The following GPC5 variants were observed in gnomAD, a reference collection of about 807,000 sequenced individuals.
GPC5 encodes the protein glypican 5, also known as glypican-5.
GPC5 carries 47 observed loss-of-function variants against 53.9 expected under a neutral mutation model. The observed-to-expected ratio is 0.87, with a 90% CI of 0.69 to 1.11. The LOEUF (loss-of-function observed/expected upper bound fraction) is 1.11, where lower values mean the gene tolerates loss of function less well. GPC5 is among the 50% of genes most tolerant of loss of function. GPC5 has a pLI of 0.00. For missense variants in GPC5, 748 were observed against 713.1 expected, an observed-to-expected ratio of 1.05 and a Z score of -0.56; for synonymous variants, 286 against 263.3, an observed-to-expected ratio of 1.09 and a Z score of -0.84.
Position 92,837,103 on chromosome 13 carries a change from G to T in GPC5, c.1562-29179G>T, listed in dbSNP as rs189505090. Among the ~76,000 whole-genome samples, 3 of 152,164 alleles carry T rather than the reference G, an allele frequency of 2.0e-5. No individual in the cohort carries two copies. The East Asian group carries it at 5.8e-4, about 29-fold the overall frequency. On this transcript the variant is annotated intron_variant, in intron 7 of 7. Transcript: ENST00000377067. ...AAACCTTGCAAGCTTCCAGACTGAA[G>T]GATATAATTACTTACAGTTGTAAAA...
At chr13:92,489,130 T>C (rs919452410) in intron 7 of GPC5, among the ~76,000 whole-genome samples, 5 of 152,216 alleles carry the variant, frequency 3.3e-5, no homozygotes, top group African/African-American at 4.8e-5. Flanking sequence ...AGAGAAAGAA[T>C]GTGAAATTCA....
intron 7 of GPC5, among the ~76,000 whole-genome samples, chr13:92,166,980 AC>A (rs2042036003): frequency 6.6e-6 from 1 of 151,322 alleles, no homozygotes; most frequent in East Asian, 1.9e-4. Context: ...ACACACACAC[AC>A]ACACACACAC....
chr13:91,509,873 G>A (rs944337819), intron 2 of GPC5, among the ~76,000 whole-genome samples: 3 of 151,980 alleles, frequency 2.0e-5, no homozygotes, highest in Non-Finnish European at 4.4e-5. Flanking sequence ...GATATAAAAT[G>A]AATTAATAAT....
At chr13:91,784,679 G>A (rs2037850364) in intron 5 of GPC5, among the ~76,000 whole-genome samples, 1 of 147,928 alleles carries the variant, frequency 6.8e-6, no homozygotes, top group African/African-American at 2.6e-5. Context: ...AGCTGAGATT[G>A]CACCATTGAA....
At chr13:92,325,638 A>G (rs928324548) in intron 7 of GPC5, among the ~76,000 whole-genome samples, 1 of 152,130 alleles carries the variant, frequency 6.6e-6, no homozygotes, top group Admixed American at 6.6e-5. Context: ...AACAAACTGT[A>G]GTAGAGCCAC....
At chr13:91,463,953 G>C (rs559079389) in intron 2 of GPC5, among the ~76,000 whole-genome samples, 26 of 152,160 alleles carry the variant, frequency 1.7e-4, no homozygotes, top group Non-Finnish European at 2.9e-5. Flanking sequence ...AAGGTTAAGA[G>C]AATGAAAACA....
intron 7 of GPC5, among the ~76,000 whole-genome samples, chr13:92,168,283 G>T (rs914513644): frequency 1.3e-5 from 2 of 152,156 alleles, no homozygotes; most frequent in African/African-American, 2.4e-5. Flanking sequence ...CACTGGCAAA[G>T]ATTTCATATT....
At chr13:92,439,812 G>T (rs945150119) in intron 7 of GPC5, among the ~76,000 whole-genome samples, 3 of 152,134 alleles carry the variant, frequency 2.0e-5, no homozygotes, top group African/African-American at 7.2e-5. Context: ...CATTGTAATA[G>T]TCAGCTAGAA....
At chr13:92,282,898 A>C (rs182822305) in intron 7 of GPC5, among the ~76,000 whole-genome samples, 2 of 152,188 alleles carry the variant, frequency 1.3e-5, no homozygotes, top group African/African-American at 4.8e-5. Flanking sequence ...AACAATATTA[A>C]CCTCAAATGT....
Position 92,691,265 on chromosome 13 carries a change from A to G in GPC5, c.1562-175017A>G, listed in dbSNP as rs374857055. ...TGAGCCAGGTGTGGGATATAGTCTCATGGTGCGCCGTTTCTTAAGCCGGTC... is the reference window on the plus strand; with the variant it reads ...TGAGCCAGGTGTGGGATATAGTCTCGTGGTGCGCCGTTTCTTAAGCCGGTC... On this transcript the variant is annotated intron_variant, in intron 7 of 7. Coordinates refer to ENST00000377067, the MANE Select transcript of GPC5 (RefSeq NM_004466.6). Among the ~76,000 whole-genome samples the G allele has an allele frequency of 2.3e-4, 27 of 118,306 alleles. 1 individual carries two copies. In the East Asian group the frequency reaches 2.9e-3, roughly 13 times the overall value. The allele number at this position is 118,306 out of a possible 152,430, so 77.6% of individuals were successfully genotyped here.
At chr13:92,412,512 C>T (rs1876091933) in intron 7 of GPC5, among the ~76,000 whole-genome samples, 2 of 152,156 alleles carry the variant, frequency 1.3e-5, no homozygotes, top group South Asian at 2.1e-4. Flanking sequence ...ATTTAACATT[C>T]TTAAACCGTT....
intron 2 of GPC5, among the ~76,000 whole-genome samples, chr13:91,661,359 C>T (rs16946448): frequency 0.014 from 2,189 of 152,332 alleles, 40 homozygotes; most frequent in South Asian, 0.035. Flanking sequence ...TGGGAATTTT[C>T]AGGCCCTCAT....
chr13:91,879,179 T>C (rs986357150), intron 5 of GPC5, among the ~76,000 whole-genome samples: 3 of 152,190 alleles, frequency 2.0e-5, no homozygotes, highest in African/African-American at 7.2e-5. Flanking sequence ...GGGATACATG[T>C]GCGGACGTGC....
intron 5 of GPC5, among the ~76,000 whole-genome samples, chr13:91,905,081 T>A (rs765471401): frequency 6.6e-5 from 10 of 152,116 alleles, no homozygotes; most frequent in Non-Finnish European, 1.0e-4. Context: ...AAGATGTTTA[T>A]CATGAATTGA....
At chr13:92,094,520 C>CAAAAAAA in intron 6 of GPC5, among the ~76,000 whole-genome samples, 1 of 68,224 alleles carries the variant, frequency 1.5e-5, no homozygotes, top group Non-Finnish European at 2.6e-5. Context: ...GACTCCGTCT[C>CAAAAAAA]AAAAAAAAAA....
intron 7 of GPC5, among the ~76,000 whole-genome samples, chr13:92,248,017 A>G (rs1594035118): frequency 6.6e-6 from 1 of 151,906 alleles, no homozygotes; most frequent in Non-Finnish European, 1.5e-5. Context: ...ACACTATGAG[A>G]AAAAAAATGA....
At chr13:92,830,409 A>T (rs1360994182) in intron 7 of GPC5, among the ~76,000 whole-genome samples, 1 of 150,886 alleles carries the variant, frequency 6.6e-6, no homozygotes, top group Non-Finnish European at 1.5e-5. Flanking sequence ...ATGATTACCC[A>T]GTCAAAACTC....
chr13:92,198,786 C>T (rs528510566), intron 7 of GPC5, among the ~76,000 whole-genome samples: 23 of 152,094 alleles, frequency 1.5e-4, no homozygotes, highest in African/African-American at 5.5e-4. Flanking sequence ...TTATTTCTGA[C>T]AATTTGGGGA....
At chr13:91,400,547 A>T (rs1468157667) in intron 1 of GPC5, among the ~76,000 whole-genome samples, 5 of 152,196 alleles carry the variant, frequency 3.3e-5, no homozygotes, top group African/African-American at 1.2e-4. Flanking sequence ...TCATTAGGAA[A>T]TAAATCTCAC....
Sources: allele counts gnomAD v4.1 joint callset (sites outside exome capture counted in the v4.1 genomes callset), GRCh38; gene constraint gnomAD v4.1.1; transcripts MANE v1.5; gene names NCBI Gene and HGNC (gene_info 2026-07-23, HGNC 2026-07-21).